ZBTB7C: variants seen among roughly 807,000 people sequenced by gnomAD.
The protein encoded by ZBTB7C is zinc finger and BTB domain-containing protein 7C.
Under a neutral mutation model 25.7 loss-of-function variants are expected in ZBTB7C, and 8 were observed. The ratio of observed to expected loss-of-function variants is 0.31; its 90% CI spans 0.18 to 0.56. ZBTB7C has a LOEUF of 0.56. Among genes scored for constraint, ZBTB7C ranks in the 20% least tolerant of loss-of-function variants. ZBTB7C has a pLI of 0.91. For synonymous variants in ZBTB7C, 394 were observed against 369.0 expected (o/e 1.07, Z -0.78); for missense variants, 824 against 855.2 (o/e 0.96, Z 0.46).
At chr18:48,089,811 A>G (rs2038341851) in intron 3 of ZBTB7C, among the ~76,000 whole-genome samples, 1 of 152,162 alleles carries the variant, frequency 6.6e-6, no homozygotes, top group Non-Finnish European at 1.5e-5. Context: ...AAACAAACAA[A>G]CAAACTGGCT....
intron 3 of ZBTB7C, among the ~76,000 whole-genome samples, chr18:48,047,840 C>G (rs1323436339): frequency 1.3e-5 from 2 of 152,212 alleles, no homozygotes; most frequent in Admixed American, 1.3e-4. Context: ...TCAAGCAACA[C>G]AACTCTGAAA....
intron 1 of ZBTB7C, among the ~76,000 whole-genome samples, chr18:48,382,219 A>C (rs1599004164): frequency 6.6e-6 from 1 of 152,352 alleles, no homozygotes; most frequent in Non-Finnish European, 1.5e-5. Flanking sequence ...TGATTTAGAA[A>C]TATGGCTATA....
intron 2 of ZBTB7C, among the ~76,000 whole-genome samples, chr18:48,194,446 TG>T (rs2145174714): frequency 6.6e-6 from 1 of 152,222 alleles, no homozygotes; most frequent in South Asian, 2.1e-4. Context: ...CTTTCATAGC[TG>T]GGGGGAGGTG....
intron 2 of ZBTB7C, among the ~76,000 whole-genome samples, chr18:48,231,566 C>T (rs1283857858): frequency 6.6e-6 from 1 of 152,222 alleles, no homozygotes; most frequent in Admixed American, 6.5e-5. Flanking sequence ...TGCTCTGTTG[C>T]TTAACAGAGC....
chr18:48,165,969 C>T (rs7236506), intron 3 of ZBTB7C, among the ~76,000 whole-genome samples: 59,276 of 152,096 alleles, frequency 0.39, 13,055 homozygotes, highest in East Asian at 0.54. Context: ...TATGGCCTGC[C>T]TGTCTGGCAC....
At chr18:48,316,162 A>C (rs1598853474) in intron 2 of ZBTB7C, among the ~76,000 whole-genome samples, 1 of 152,312 alleles carries the variant, frequency 6.6e-6, no homozygotes, top group South Asian at 2.1e-4. Context: ...CCTTACAGAC[A>C]AAATAGAATT....
intron 2 of ZBTB7C, among the ~76,000 whole-genome samples, chr18:48,243,270 CAAA>C (rs57410285): frequency 5.6e-4 from 49 of 88,280 alleles, no homozygotes; most frequent in African/African-American, 1.9e-3. Flanking sequence ...TACCCCCCCA[CAAA>C]AAAAAAAAAA....
intron 3 of ZBTB7C, among the ~76,000 whole-genome samples, chr18:48,158,106 GT>G (rs1415735238): frequency 2.0e-5 from 3 of 152,214 alleles, no homozygotes; most frequent in Admixed American, 1.3e-4. Flanking sequence ...GAACAAAATG[GT>G]ATCTGGTCTG....
intron 1 of ZBTB7C, among the ~76,000 whole-genome samples, chr18:48,367,937 T>C (rs1213545543): frequency 6.9e-6 from 1 of 144,324 alleles, no homozygotes; most frequent in Non-Finnish European, 1.5e-5. Flanking sequence ...CTGGCAGTAA[T>C]AACATGGTGC....
chr18:48,331,042 G>T (rs1598887315), intron 2 of ZBTB7C, among the ~76,000 whole-genome samples: 2 of 152,086 alleles, frequency 1.3e-5, no homozygotes, highest in East Asian at 3.9e-4. Flanking sequence ...CCAGCCAAGA[G>T]TGATCCCCCT....
intron 3 of ZBTB7C, among the ~76,000 whole-genome samples, chr18:48,168,992 C>A (rs930165139): frequency 6.6e-6 from 1 of 152,212 alleles, no homozygotes; most frequent in African/African-American, 2.4e-5. Context: ...ACACCCCTGG[C>A]AGCCCTTGGT....
At chr18:48,285,771 T>G (rs942584353) in intron 2 of ZBTB7C, among the ~76,000 whole-genome samples, 3 of 152,232 alleles carry the variant, frequency 2.0e-5, no homozygotes, top group Admixed American at 1.3e-4. Context: ...ATGGAGAGTT[T>G]TATCTGTTTT....
chr18:48,372,549 C>T (rs1470328377), intron 1 of ZBTB7C, among the ~76,000 whole-genome samples: 2 of 152,150 alleles, frequency 1.3e-5, no homozygotes, highest in Non-Finnish European at 2.9e-5. Flanking sequence ...TAAACCTTGA[C>T]GTGGGTTAAG....
At chr18:48,210,841 T>A (rs975202533) in intron 2 of ZBTB7C, among the ~76,000 whole-genome samples, 3 of 152,306 alleles carry the variant, frequency 2.0e-5, no homozygotes, top group South Asian at 2.1e-4. Flanking sequence ...ACTGTTTTTT[T>A]AAAAATTCCA....
intron 3 of ZBTB7C, among the ~76,000 whole-genome samples, chr18:48,161,731 C>T (rs1182265669): frequency 1.3e-5 from 2 of 150,786 alleles, no homozygotes; most frequent in East Asian, 2.0e-4. Flanking sequence ...CCCAGCCCCG[C>T]CCCGCTCCGG....
At chr18:48,355,747 C>A (rs2046964048) in intron 1 of ZBTB7C, among the ~76,000 whole-genome samples, 1 of 152,244 alleles carries the variant, frequency 6.6e-6, no homozygotes, top group Admixed American at 6.5e-5. Context: ...TGCACCCCTG[C>A]AACCTTCCTC....
At chr18:48,151,050 T>C (rs748272775) in intron 3 of ZBTB7C, among the ~76,000 whole-genome samples, 3 of 152,162 alleles carry the variant, frequency 2.0e-5, no homozygotes, top group Non-Finnish European at 4.4e-5. Flanking sequence ...ATGCTGCCGA[T>C]ATGGAAGAAG....
chr18:48,267,329 C>A lies in ZBTB7C; in HGVS notation c.-79+70845G>T, dbSNP rs1230800689. Reference sequence around the variant, plus strand: ...AAGGCATGTGTTCACTGCTTGACAGCAAGGCCCCCCTCAACAGTTCTATTC... The same window carrying A: ...AAGGCATGTGTTCACTGCTTGACAGAAAGGCCCCCCTCAACAGTTCTATTC... On this transcript the variant is annotated intron_variant, in intron 2 of 4. Coordinates refer to ENST00000590800, the MANE Select transcript of ZBTB7C (RefSeq NM_001318841.2). Among the ~76,000 whole-genome samples, 3 of 152,344 alleles carry A rather than the reference C, an allele frequency of 2.0e-5. No individual in the cohort carries two copies. The East Asian group carries it at 5.8e-4, about 29-fold the overall frequency.
At chr18:48,069,287 G>A (rs1339033660) in intron 3 of ZBTB7C, among the ~76,000 whole-genome samples, 1 of 152,188 alleles carries the variant, frequency 6.6e-6, no homozygotes, top group Non-Finnish European at 1.5e-5. Context: ...TCCCTTGCTT[G>A]TTGTTTCATC....
Sources: gnomAD v4.1 joint callset for allele counts (sites outside exome capture counted in the v4.1 genomes callset) on GRCh38, gnomAD v4.1.1 for gene constraint, MANE v1.5 for transcripts, NCBI Gene and HGNC (gene_info 2026-07-23, HGNC 2026-07-21) for gene names.